Variants in NOP9 observed in about 807,000 individuals in gnomAD.
NOP9 encodes nucleolar protein 9.
NOP9 carries 50 observed loss-of-function variants against 63.0 expected under a neutral mutation model. That is an observed-to-expected ratio of 0.79 (90% CI 0.63 to 1.00). The LOEUF is 1.00. Ranked by LOEUF, NOP9 falls within the 50% of genes least tolerant of loss-of-function variation. The pLI is 0.00. For missense variants in NOP9, 758 were observed against 803.0 expected (o/e 0.94, Z 0.68); for synonymous variants, 343 against 332.8 (o/e 1.03, Z -0.33).
the NOP9 span, among the ~76,000 whole-genome samples, chr14:24,289,144 T>A: frequency 3.3e-5 from 5 of 152,052 alleles, no homozygotes; most frequent in African/African-American, 1.2e-4. Flanking sequence ...GCCCAGCTAA[T>A]TTTTTTTCTT....
In NOP9 at chr14:24,299,939, A is replaced by G. The variant is rs960593494; in HGVS notation, c.-16A>G. 1.3e-6 allele frequency: 2 copies of G among 1,520,368 alleles called. No homozygotes were observed. The highest frequency in any genetic ancestry group is 8.8e-7 in the Non-Finnish European group (1 of 1,135,484). The allele number at this position is 1,520,368 out of a possible 1,614,324, so 94.2% of individuals were successfully genotyped here. ...GTTAAGGAAGCTTTTGCAGCCGGAC[A>G]GGTCGCGAAGCACACATGGGGCAGG... On this transcript the variant is annotated 5_prime_UTR_variant, in exon 1 of 10. Transcript: ENST00000267425.
chr14:24,292,142 G>T, the NOP9 span: 1 of 1,612,076 alleles, frequency 6.2e-7, no homozygotes, highest in Non-Finnish European at 8.5e-7. Flanking sequence ...TGCAGAGGCC[G>T]ACTCCCCTGT....
chr14:24,302,335 T>C lies in NOP9; in HGVS notation c.1054T>C (p.Leu352=). ...PRLQSLFEEH[L]QGQLQTLAAH... ...ACTCCAGAGCCTCTTTGAGGAGCACTTGCAGGGGCAGCTGCAGACCCTGGC... is the reference window on the plus strand; with the variant it reads ...ACTCCAGAGCCTCTTTGAGGAGCACCTGCAGGGGCAGCTGCAGACCCTGGC... Residue 352 remains leucine (L), a synonymous_variant, in exon 5 of 10, where the codon TTG becomes CTG. Coordinates refer to ENST00000267425, the MANE Select transcript of NOP9 (RefSeq NM_174913.3). The C allele has an allele frequency of 6.2e-7, 1 of 1,614,170 alleles. No individual in the cohort carries two copies. The highest frequency in any genetic ancestry group is 2.2e-5 in the East Asian group (1 of 44,880).
the NOP9 span, among the ~76,000 whole-genome samples, chr14:24,272,438 C>T: frequency 0.034 from 5,135 of 152,252 alleles, 287 homozygotes; most frequent in African/African-American, 0.12. Flanking sequence ...GGCACTATTT[C>T]CTCCTCACTT....
At chr14:24,288,159 T>C in the NOP9 span, among the ~76,000 whole-genome samples, 43 of 152,318 alleles carry the variant, frequency 2.8e-4, no homozygotes, top group African/African-American at 9.9e-4. Context: ...TTATGGACTC[T>C]TGGGGTCCCA....
chr14:24,291,504 C>A, the NOP9 span: 3 of 1,569,382 alleles, frequency 1.9e-6, no homozygotes, highest in Non-Finnish European at 2.6e-6. Flanking sequence ...GATGCTACCG[C>A]ACTACACATC....
At chr14:24,293,134 A>C in the NOP9 span, 1 of 212,920 alleles carries the variant, frequency 4.7e-6, no homozygotes, top group East Asian at 1.3e-4. Context: ...TACAGACAAA[A>C]TCTTTCAAAG....
the NOP9 span, chr14:24,292,033 T>C: frequency 9.8e-7 from 1 of 1,016,082 alleles, no homozygotes; most frequent in Non-Finnish European, 1.5e-6. Context: ...GGTATCTCCC[T>C]TACAGGATTA....
the NOP9 span, among the ~76,000 whole-genome samples, chr14:24,286,978 C>T: frequency 6.6e-6 from 1 of 152,090 alleles, no homozygotes; most frequent in African/African-American, 2.4e-5. Context: ...CAACCTCTGC[C>T]TCCCGGGTTC....
the NOP9 span, among the ~76,000 whole-genome samples, chr14:24,275,440 T>C: frequency 1.3e-5 from 2 of 152,216 alleles, no homozygotes; most frequent in African/African-American, 4.8e-5. Flanking sequence ...GATTCAGAAT[T>C]GAGTCGGCTG....
rs138916669 is a variant in NOP9 at position 24,307,914 on chromosome 14, G to A, written c.*2819G>A. On this transcript the variant is annotated 3_prime_UTR_variant, in exon 10 of 10. Coordinates refer to ENST00000267425, the MANE Select transcript of NOP9 (RefSeq NM_174913.3). Reference sequence around the variant, plus strand: ...TCTGGGCTGGGTGGTTCTCTCCTGTGCTGGGGCTTTAGTGGTGTTTTCTGT... The same window carrying A: ...TCTGGGCTGGGTGGTTCTCTCCTGTACTGGGGCTTTAGTGGTGTTTTCTGT... 1.7e-3 allele frequency: 2,517 copies of A among 1,476,472 alleles called. 10 individuals are homozygous for A. Among genetic ancestry groups the A allele is most frequent in the Non-Finnish European group, 2.1e-3 (2,260 of 1,076,374 alleles). The allele number at this position is 1,476,472 out of a possible 1,614,324, so 91.5% of individuals were successfully genotyped here.
At position 24,299,895 on chromosome 14, in the gene NOP9, C is replaced by A; in HGVS notation, c.-60C>A. The A allele has an allele frequency of 4.7e-6, 7 of 1,496,452 alleles. No homozygotes were observed. Among genetic ancestry groups the A allele is most frequent in the Non-Finnish European group, 6.2e-6 (7 of 1,125,716 alleles). The allele number at this position is 1,496,452 out of a possible 1,614,324, so 92.7% of individuals were successfully genotyped here. A position where few individuals can be genotyped will look rare whatever the true frequency, so the allele number is the denominator to read the frequency against. On this transcript the variant is annotated 5_prime_UTR_variant, in exon 1 of 10. Coordinates refer to ENST00000267425, the MANE Select transcript of NOP9 (RefSeq NM_174913.3). ...TCTGGATAAGGCGCACGCTTGGCGA[C>A]GTCGAAGGTCCGTCCGCAGTTAAGG...
intron 1 of NOP9, 96 bp from the exon 2 acceptor site, chr14:24,300,312 T>C: frequency 6.5e-7 from 1 of 1,549,642 alleles, no homozygotes; most frequent in South Asian, 1.2e-5. Flanking sequence ...CATGTCCTCT[T>C]CCTCGGCCTC....
chr14:24,290,789 C>A, the NOP9 span: 1 of 1,587,448 alleles, frequency 6.3e-7, no homozygotes, highest in South Asian at 1.1e-5. Flanking sequence ...GCTGCTGTTT[C>A]ACTGAGACAG....
chr14:24,307,784 A>C lies in NOP9; in HGVS notation c.*2689A>C. 2 of 1,576,170 alleles carry C rather than the reference A, an allele frequency of 1.3e-6. No individual in the cohort carries two copies. The highest frequency in any genetic ancestry group is 1.7e-6 in the Non-Finnish European group (2 of 1,158,500). Reference sequence around the variant, plus strand: ...ATTGTTGCCCTGCCTATATCCCCTAAAGGTGGAGGGTAGAGCGGAGGGTTA... The same window carrying C: ...ATTGTTGCCCTGCCTATATCCCCTACAGGTGGAGGGTAGAGCGGAGGGTTA... On this transcript the variant is annotated 3_prime_UTR_variant, in exon 10 of 10. Coordinates refer to ENST00000267425, the MANE Select transcript of NOP9 (RefSeq NM_174913.3).
upstream of NOP9, chr14:24,299,373 C>T: frequency 2.7e-6 from 1 of 370,544 alleles, no homozygotes; most frequent in Non-Finnish European, 4.9e-6. Flanking sequence ...TGGACAACTA[C>T]TACAACCCTC....
the NOP9 span, chr14:24,294,649 G>C: frequency 6.6e-6 from 1 of 152,088 alleles, no homozygotes; most frequent in African/African-American, 2.4e-5. Context: ...GAGTATGCGT[G>C]TGAAAAATGA....
the NOP9 span, among the ~76,000 whole-genome samples, chr14:24,277,738 C>T: frequency 6.6e-6 from 1 of 152,244 alleles, no homozygotes; most frequent in South Asian, 2.1e-4. Context: ...TTTGCTGGAG[C>T]CGGCCAGGGC....
At chr14:24,296,813 G>C (rs1293352448), upstream of NOP9, 1 of 1,614,208 alleles carries the variant, frequency 6.2e-7, no homozygotes, top group South Asian at 1.1e-5. Context: ...GCTCAAACAG[G>C]CTTCGCACTT....
Sources: allele counts gnomAD v4.1 joint callset (sites outside exome capture counted in the v4.1 genomes callset), GRCh38; gene constraint gnomAD v4.1.1; transcripts MANE v1.5; gene names NCBI Gene and HGNC (gene_info 2026-07-23, HGNC 2026-07-21).